Variants in ZNF710 observed in about 807,000 individuals in gnomAD.
The protein encoded by ZNF710 is zinc finger protein 710.
ZNF710 carries 13 observed loss-of-function variants against 50.6 expected under a neutral mutation model. The observed-to-expected ratio is 0.26, with a 90% confidence interval of 0.17 to 0.41. The LOEUF (loss-of-function observed/expected upper bound fraction) is 0.41. ZNF710 is among the 10% of genes least tolerant of loss of function. ZNF710 has a pLI of 1.00. For missense variants in ZNF710, 721 were observed against 936.6 expected, an observed-to-expected ratio of 0.77 and a Z score of 3.01; for synonymous variants, 383 against 397.0, an observed-to-expected ratio of 0.96 and a Z score of 0.42.
chr15:90,042,235 C>G (rs1488164763), intron 1 of ZNF710, among the ~76,000 whole-genome samples: 2 of 152,098 alleles, frequency 1.3e-5, no homozygotes, highest in Admixed American at 1.3e-4. Context: ...CCCCTTCTCT[C>G]CAGCCTCCTT....
chr15:90,063,817 C>G (rs1165460655), intron 1 of ZNF710, among the ~76,000 whole-genome samples: 4 of 152,146 alleles, frequency 2.6e-5, no homozygotes, highest in Admixed American at 1.3e-4. Flanking sequence ...TGCCCGCGCC[C>G]TTGAGGTTGG....
intron 1 of ZNF710, among the ~76,000 whole-genome samples, chr15:90,020,298 G>A (rs1898575850): frequency 6.6e-6 from 1 of 152,046 alleles, no homozygotes; most frequent in East Asian, 1.9e-4. Flanking sequence ...CTAGACTGGT[G>A]CCCACCTTCA....
At position 90,030,889 on chromosome 15, in the gene ZNF710, C is replaced by T. The variant is rs545075952; in HGVS notation, c.-29+29275C>T. ...AAAAAATTAGCCGGGCATGGTGGCG[C>T]GCGCCTGTAGTCCCAGCTACTTGGG... On this transcript the variant is annotated intron_variant, in intron 1 of 4. Coordinates refer to ENST00000268154, the MANE Select transcript of ZNF710 (RefSeq NM_198526.4). Among the ~76,000 whole-genome samples, 155 of 151,864 alleles carry T rather than the reference C, an allele frequency of 1.0e-3. 2 individuals are homozygous for T. Among genetic ancestry groups the T allele is most frequent in the Non-Finnish European group, 9.0e-4 (61 of 67,926 alleles).
chr15:90,046,286 A>G (rs1271232100), intron 1 of ZNF710, among the ~76,000 whole-genome samples: 6 of 152,188 alleles, frequency 3.9e-5, no homozygotes. Context: ...TGCCCAGCCC[A>G]TAGTAGGCGC....
chr15:90,009,788 C>T (rs1443610344), intron 1 of ZNF710, among the ~76,000 whole-genome samples: 1 of 152,066 alleles, frequency 6.6e-6, no homozygotes, highest in African/African-American at 2.4e-5. Flanking sequence ...CTCTCCCCCT[C>T]TTCTCCTTGC....
At chr15:90,036,074 A>C (rs1260618766) in intron 1 of ZNF710, among the ~76,000 whole-genome samples, 2 of 152,126 alleles carry the variant, frequency 1.3e-5, no homozygotes, top group Admixed American at 6.5e-5. Flanking sequence ...CCCCACAAGC[A>C]GCTTTCTCAA....
At chr15:90,008,441 CATATATATATATGT>C (rs1898204283) in intron 1 of ZNF710, among the ~76,000 whole-genome samples, 1 of 126,512 alleles carries the variant, frequency 7.9e-6, no homozygotes, top group African/African-American at 3.8e-5. Context: ...TATATATATA[CATATATATATATGT>C]ATATATATAT....
At chr15:90,029,668 T>G (rs1898875395) in intron 1 of ZNF710, among the ~76,000 whole-genome samples, 1 of 151,974 alleles carries the variant, frequency 6.6e-6, no homozygotes, top group African/African-American at 2.4e-5. Flanking sequence ...TAGGCTGGAG[T>G]GCAGTGGTTT....
At chr15:90,058,032 A>G (rs1506941) in intron 1 of ZNF710, among the ~76,000 whole-genome samples, 40,910 of 152,102 alleles carry the variant, frequency 0.27, 9,675 homozygotes, top group African/African-American at 0.64. Context: ...TGGCAGTCAG[A>G]CCCACCTCAG....
At chr15:90,078,949 A>G (rs1900657351) in intron 4 of ZNF710, among the ~76,000 whole-genome samples, 1 of 152,222 alleles carries the variant, frequency 6.6e-6, no homozygotes, top group South Asian at 2.1e-4. Context: ...ATTTTATAAA[A>G]TTATAAGGGG....
chr15:90,071,265 A>C (rs1245372540), intron 2 of ZNF710, among the ~76,000 whole-genome samples: 2 of 151,982 alleles, frequency 1.3e-5, no homozygotes, highest in African/African-American at 4.8e-5. Flanking sequence ...CTGTCTTAAA[A>C]AAAAAAAAAA....
intron 2 of ZNF710, among the ~76,000 whole-genome samples, chr15:90,070,380 A>AT (rs1004224774): frequency 4.0e-5 from 6 of 150,442 alleles, no homozygotes; most frequent in Non-Finnish European, 7.4e-5. Context: ...AAAAAAAAAA[A>AT]GGAAGAATTC....
At chr15:90,025,744 G>A (rs901508579) in intron 1 of ZNF710, 3 of 152,196 alleles carry the variant, frequency 2.0e-5, no homozygotes, top group Non-Finnish European at 4.4e-5. Flanking sequence ...AACAGAAATT[G>A]TGCCAGTCGG....
rs1899051091 is a variant in ZNF710 at position 90,034,462 on chromosome 15, GT to G, written c.-28-32647del. On this transcript the variant is annotated intron_variant, in intron 1 of 4. Coordinates refer to ENST00000268154, the MANE Select transcript of ZNF710 (RefSeq NM_198526.4). This position sits in a 1 kb window ranked among gnomAD's most constrained non-coding sequence, Gnocchi z 4.0. The stretch of plus-strand genomic sequence containing the variant: ...TGTGTGTGTGTGTGTGTGTGTGTGT[GT>G]GTGTGTGTGTGTATTCTGTGCCTGT... 6.6e-6 allele frequency among the ~76,000 whole-genome samples: 1 copy of G among 150,798 alleles called. No individual in the cohort carries two copies. Among genetic ancestry groups the G allele is most frequent in the Non-Finnish European group, 1.5e-5 (1 of 67,656 alleles).
At chr15:90,065,200 C>G (rs1900127226) in intron 1 of ZNF710, among the ~76,000 whole-genome samples, 1 of 152,214 alleles carries the variant, frequency 6.6e-6, no homozygotes, top group African/African-American at 2.4e-5. Context: ...TTTTAGCCGT[C>G]CTCAGGAAGG....
In ZNF710 at chr15:90,057,454, G is replaced by A. The variant is rs193000235; in HGVS notation, c.-28-9656G>A. On this transcript the variant is annotated intron_variant, in intron 1 of 4. Transcript: ENST00000268154. ...CTCACACCTATAATCCCAGCACTTC[G>A]GGAGGCCAAGCTGGGTGGATCACTT... is the stretch of plus-strand genomic sequence containing the variant. 2.5e-3 allele frequency among the ~76,000 whole-genome samples: 380 copies of A among 152,090 alleles called. 5 individuals are homozygous for A. The highest frequency in any genetic ancestry group is 0.022 in the Admixed American group (343 of 15,268).
intron 1 of ZNF710, among the ~76,000 whole-genome samples, chr15:90,056,402 G>A (rs902933788): frequency 1.4e-4 from 21 of 152,018 alleles, no homozygotes; most frequent in African/African-American, 3.9e-4. Flanking sequence ...CAACAAGAGC[G>A]AAACTCCGTC....
chr15:90,052,881 T>C (rs1300408065), intron 1 of ZNF710, among the ~76,000 whole-genome samples: 4 of 152,128 alleles, frequency 2.6e-5, no homozygotes, highest in Admixed American at 1.3e-4. Context: ...TGCGGTGAGC[T>C]GAGATGGCGC....
At chr15:90,008,641 C>T (rs981201202) in intron 1 of ZNF710, among the ~76,000 whole-genome samples, 4 of 150,590 alleles carry the variant, frequency 2.7e-5, no homozygotes, top group African/African-American at 9.8e-5. Context: ...ATAAATCAGT[C>T]GGTGGCACGT....
Sources: allele counts gnomAD v4.1 joint callset (sites outside exome capture counted in the v4.1 genomes callset), GRCh38; gene constraint gnomAD v4.1.1; non-coding constraint Gnocchi (gnomAD v3.1); transcripts MANE v1.5; gene names NCBI Gene and HGNC (gene_info 2026-07-23, HGNC 2026-07-21).